The following TMEM178B variants were observed in gnomAD, a reference collection of about 807,000 sequenced individuals.
The protein encoded by TMEM178B is transmembrane protein 178B.
In TMEM178B, 5 loss-of-function variants were observed where a neutral mutation model predicts 31.0. The observed-to-expected ratio is 0.16, with a 90% CI of 0.08 to 0.34. The LOEUF (loss-of-function observed/expected upper bound fraction) is 0.34. TMEM178B is among the 10% of genes least tolerant of loss of function. TMEM178B has a pLI of 1.00. For missense variants in TMEM178B, 275 were observed against 400.3 expected (o/e 0.69, Z 2.67); for synonymous variants, 164 against 164.0 (o/e 1.00, Z 0.00).
intron 2 of TMEM178B, among the ~76,000 whole-genome samples, chr7:141,335,290 C>T (rs1415724682): frequency 3.3e-5 from 5 of 152,192 alleles, no homozygotes; most frequent in Non-Finnish European, 5.9e-5. Flanking sequence ...GAGTTCCTGA[C>T]CTACGCACTG....
At chr7:141,379,254 C>A (rs1281025629) in intron 2 of TMEM178B, among the ~76,000 whole-genome samples, 1 of 151,678 alleles carries the variant, frequency 6.6e-6, no homozygotes, top group Non-Finnish European at 1.5e-5. Flanking sequence ...ATCACTTAAC[C>A]CCAGGAGTTC....
At chr7:141,241,590 C>CAAAAA (rs766018973) in intron 2 of TMEM178B, among the ~76,000 whole-genome samples, 4 of 75,954 alleles carry the variant, frequency 5.3e-5, no homozygotes, top group East Asian at 4.4e-4. Context: ...GACTTCGTCT[C>CAAAAA]AAAAAAAAAA....
At chr7:141,075,221 C>T (rs1794583748) in intron 1 of TMEM178B, among the ~76,000 whole-genome samples, 1 of 152,176 alleles carries the variant, frequency 6.6e-6, no homozygotes, top group Non-Finnish European at 1.5e-5. Flanking sequence ...CAGCCCCTGT[C>T]CTGTAAGCAG....
At chr7:141,251,280 C>G (rs183352809) in intron 2 of TMEM178B, among the ~76,000 whole-genome samples, 145 of 151,846 alleles carry the variant, frequency 9.5e-4, no homozygotes, top group African/African-American at 3.5e-3. Flanking sequence ...GCAGAAGCAC[C>G]CGCAGGAATC....
intron 1 of TMEM178B, among the ~76,000 whole-genome samples, chr7:141,115,260 T>G (rs1158325878): frequency 6.8e-6 from 1 of 147,796 alleles, no homozygotes; most frequent in African/African-American, 2.6e-5. Context: ...AGGCTGGTTT[T>G]GAACTCCTGA....
intron 1 of TMEM178B, among the ~76,000 whole-genome samples, chr7:141,153,346 A>G (rs942708313): frequency 6.6e-6 from 1 of 152,226 alleles, no homozygotes; most frequent in African/African-American, 2.4e-5. Context: ...CTCAGAATCC[A>G]TAATTTACTT....
chr7:141,456,792 C>G (rs1470920653), intron 3 of TMEM178B, among the ~76,000 whole-genome samples: 1 of 152,128 alleles, frequency 6.6e-6, no homozygotes, highest in Non-Finnish European at 1.5e-5. Context: ...AGAAGAAAAG[C>G]AGGGGCAGGA....
At chr7:141,268,229 C>T (rs1176863455) in intron 2 of TMEM178B, among the ~76,000 whole-genome samples, 2 of 152,150 alleles carry the variant, frequency 1.3e-5, no homozygotes, top group Non-Finnish European at 2.9e-5. Flanking sequence ...AAGTCCCTGT[C>T]AGAGCAACAT....
intron 2 of TMEM178B, among the ~76,000 whole-genome samples, chr7:141,361,933 C>T (rs975102092): frequency 2.6e-5 from 4 of 152,184 alleles, no homozygotes; most frequent in Admixed American, 2.6e-4. Context: ...GTACTACAGA[C>T]CACAAATGGA....
At chr7:141,086,076 G>A (rs370357916) in intron 1 of TMEM178B, among the ~76,000 whole-genome samples, 15 of 152,004 alleles carry the variant, frequency 9.9e-5, no homozygotes, top group African/African-American at 2.7e-4. Context: ...TTACTCTGTC[G>A]CTCAGGCTGG....
intron 1 of TMEM178B, among the ~76,000 whole-genome samples, chr7:141,100,040 C>T (rs896568635): frequency 1.2e-4 from 18 of 152,020 alleles, no homozygotes; most frequent in Non-Finnish European, 2.2e-4. Flanking sequence ...AGGATGGTCT[C>T]GATCTCCTGA....
intron 3 of TMEM178B, among the ~76,000 whole-genome samples, chr7:141,466,232 G>A (rs562122326): frequency 6.6e-6 from 1 of 152,326 alleles, no homozygotes; most frequent in African/African-American, 2.4e-5. Context: ...AGAGCTAACA[G>A]AAGGAATTTC....
intron 3 of TMEM178B, among the ~76,000 whole-genome samples, chr7:141,455,200 CAGA>C (rs1801941839): frequency 6.6e-6 from 1 of 152,186 alleles, no homozygotes; most frequent in South Asian, 2.1e-4. Context: ...CGTGTCCCTT[CAGA>C]AGGAGTCACC....
At chr7:141,252,952 C>T (rs1161473766) in intron 2 of TMEM178B, among the ~76,000 whole-genome samples, 1 of 152,214 alleles carries the variant, frequency 6.6e-6, no homozygotes, top group East Asian at 1.9e-4. Flanking sequence ...TGGCTTTCTG[C>T]CTTCCACTTG....
In TMEM178B at chr7:141,360,965, T is replaced by G. The variant is rs562285068; in HGVS notation, c.497-76643T>G. On this transcript the variant is annotated intron_variant, in intron 2 of 3. Transcript: ENST00000565468. ...TAAGACCAGTCAGCAAAGAGAACAT[T>G]AATCACTGGGCCACTCAGCCAGAAG... Among the ~76,000 whole-genome samples the G allele has an allele frequency of 1.2e-3, 189 of 152,150 alleles. 3 individuals are homozygous for G. In the South Asian group the frequency reaches 0.038, roughly 31 times the overall value.
intron 2 of TMEM178B, among the ~76,000 whole-genome samples, chr7:141,218,648 C>T (rs1460198077): frequency 2.0e-5 from 3 of 152,172 alleles, no homozygotes; most frequent in Non-Finnish European, 2.9e-5. Context: ...AAGCCCAACC[C>T]GGCCCCCCAC....
intron 2 of TMEM178B, among the ~76,000 whole-genome samples, chr7:141,215,777 C>CCTTCCTTTCTTT (rs1479407874): frequency 8.7e-4 from 98 of 112,122 alleles, no homozygotes; most frequent in East Asian, 4.8e-3. Context: ...TATATACTTT[C>CCTTCCTTTCTTT]CTTTCTTTCT....
chr7:141,215,098 G>A lies in TMEM178B; in HGVS notation c.496+2394G>A, dbSNP rs540126060. On this transcript the variant is annotated intron_variant, in intron 2 of 3. Transcript: ENST00000565468. ...CAAGAGGGGAAGCATAGGAAGTGTC[G>A]ATTTTAATTTTTAGAGGTCAGATAT... is the stretch of plus-strand genomic sequence containing the variant. Among the ~76,000 whole-genome samples, 17 of 152,130 alleles carry A rather than the reference G, an allele frequency of 1.1e-4. No homozygotes were observed. In the East Asian group the frequency reaches 1.4e-3, roughly 12 times the overall value.
At chr7:141,096,658 C>G (rs1259397644) in intron 1 of TMEM178B, among the ~76,000 whole-genome samples, 1 of 152,208 alleles carries the variant, frequency 6.6e-6, no homozygotes, top group South Asian at 2.1e-4. Flanking sequence ...ACTCTATAGT[C>G]TCTTCTGTAT....
Sources: gnomAD v4.1 joint callset for allele counts (sites outside exome capture counted in the v4.1 genomes callset) on GRCh38, gnomAD v4.1.1 for gene constraint, MANE v1.5 for transcripts, NCBI Gene and HGNC (gene_info 2026-07-23, HGNC 2026-07-21) for gene names.